The following FGF14 variants were observed in gnomAD, a reference collection of about 807,000 sequenced individuals.
FGF14 encodes the protein fibroblast growth factor homologous factor 4.
FGF14 carries 5 observed loss-of-function variants against 25.5 expected under a neutral mutation model. The observed-to-expected ratio is 0.20, with a 90% CI of 0.10 to 0.41. FGF14 has a LOEUF of 0.41. FGF14 is among the 10% of genes least tolerant of loss of function. The probability of loss-of-function intolerance (pLI) is 1.00; values close to 1 mark genes in which losing one functional copy is unlikely to be tolerated. For synonymous variants in FGF14, 138 were observed against 118.3 expected (o/e 1.17, Z -1.08); for missense variants, 222 against 320.1 (o/e 0.69, Z 2.34).
At chr13:101,815,889 C>G (rs1170801890) in intron 3 of FGF14, among the ~76,000 whole-genome samples, 2 of 152,052 alleles carry the variant, frequency 1.3e-5, no homozygotes, top group Non-Finnish European at 2.9e-5. Context: ...AGGAATAAGC[C>G]CTCTTAGCTA....
chr13:101,825,931 AAAGAT>A (rs2042373880), intron 3 of FGF14, among the ~76,000 whole-genome samples: 1 of 152,168 alleles, frequency 6.6e-6, no homozygotes, highest in Admixed American at 6.5e-5. Flanking sequence ...TATATCCCTA[AAAGAT>A]AATACAAGGA....
chr13:101,917,906 T>C (rs558305441), upstream of FGF14, among the ~76,000 whole-genome samples: 4 of 151,986 alleles, frequency 2.6e-5, no homozygotes, highest in African/African-American at 9.7e-5. Flanking sequence ...CCCAGGAGAA[T>C]GTTGAAGAAG....
intron 1 of FGF14, among the ~76,000 whole-genome samples, chr13:101,966,152 A>G (rs2037180031): frequency 6.6e-6 from 1 of 152,226 alleles, no homozygotes; most frequent in African/African-American, 2.4e-5. Flanking sequence ...AGCTTATTTG[A>G]AAACAGGTTC....
chr13:102,106,975 G>A (rs7997888), intron 1 of FGF14, among the ~76,000 whole-genome samples: 23,566 of 152,132 alleles, frequency 0.15, 3,923 homozygotes, highest in African/African-American at 0.4. Context: ...GATAGCTCAC[G>A]GAAGCATTTC....
intron 1 of FGF14, among the ~76,000 whole-genome samples, chr13:102,142,135 C>T (rs1275496222): frequency 6.6e-6 from 1 of 152,020 alleles, no homozygotes; most frequent in Non-Finnish European, 1.5e-5. Flanking sequence ...GGCAAAATGC[C>T]ACAAATTAGC....
At chr13:101,762,092 A>C (rs1247402675) in intron 3 of FGF14, among the ~76,000 whole-genome samples, 1 of 152,202 alleles carries the variant, frequency 6.6e-6, no homozygotes, top group Non-Finnish European at 1.5e-5. Flanking sequence ...CCATTGATAG[A>C]GACTTAATAA....
intron 1 of FGF14, among the ~76,000 whole-genome samples, chr13:102,384,303 G>A (rs2058253010): frequency 6.6e-6 from 1 of 152,026 alleles, no homozygotes; most frequent in African/African-American, 2.4e-5. Context: ...AACTACTAGA[G>A]GTATATTTGG....
chr13:102,007,712 A>AAT (rs1385126433), intron 1 of FGF14, among the ~76,000 whole-genome samples: 1 of 152,206 alleles, frequency 6.6e-6, no homozygotes, highest in Admixed American at 6.5e-5. Flanking sequence ...GAGCTGTGAA[A>AAT]ATGCCTCTGA....
At chr13:101,931,058 C>A (rs921052534) in intron 1 of FGF14, among the ~76,000 whole-genome samples, 1 of 152,136 alleles carries the variant, frequency 6.6e-6, no homozygotes, top group East Asian at 1.9e-4. Flanking sequence ...TATTGCCCAT[C>A]GGAACAAAAT....
rs1355452202 is a variant in FGF14, at chr13:102,149,773, G to A, written c.208+251698C>T. On this transcript the variant is annotated intron_variant, in intron 1 of 4. Coordinates refer to the FGF14 transcript ENST00000376131. ...CAAGAGCAGCCCAGGGCAGAGCTCC[G>A]GAAGCCTTGTAAGGGGAGTTAACGA... Among the ~76,000 whole-genome samples, 7 of 152,170 alleles carry A rather than the reference G, an allele frequency of 4.6e-5. No homozygotes were observed. The East Asian group carries it at 5.8e-4, about 13-fold the overall frequency.
chr13:102,057,655 T>C (rs1260100499), intron 1 of FGF14, among the ~76,000 whole-genome samples: 1 of 152,188 alleles, frequency 6.6e-6, no homozygotes, highest in Admixed American at 6.5e-5. Context: ...ATGGCATGAA[T>C]AGTGCATTGT....
chr13:101,985,520 A>T (rs1052549131), intron 1 of FGF14, among the ~76,000 whole-genome samples: 1 of 152,130 alleles, frequency 6.6e-6, no homozygotes, highest in Non-Finnish European at 1.5e-5. Flanking sequence ...CTGAATCATC[A>T]GCATTAATCA....
chr13:102,268,398 C>T (rs184860732), intron 1 of FGF14, among the ~76,000 whole-genome samples: 77 of 151,998 alleles, frequency 5.1e-4, no homozygotes, highest in Admixed American at 4.9e-3. Flanking sequence ...TTGGTGAAAA[C>T]GCTGCAGAAT....
intron 1 of FGF14, 33 bp from the exon 2 acceptor site, chr13:101,875,329 C>A: frequency 7.2e-7 from 1 of 1,380,722 alleles, no homozygotes; most frequent in Non-Finnish European, 1.0e-6. Flanking sequence ...ATAAGCCTCA[C>A]AATGTGTCAC....
chr13:102,099,998 A>C (rs2044584403), intron 1 of FGF14, among the ~76,000 whole-genome samples: 2 of 152,288 alleles, frequency 1.3e-5, no homozygotes, highest in South Asian at 2.1e-4. Flanking sequence ...ATTGAGGCTT[A>C]GACAACTATA....
At chr13:102,361,074 A>G (rs1401886533) in intron 1 of FGF14, among the ~76,000 whole-genome samples, 1 of 152,222 alleles carries the variant, frequency 6.6e-6, no homozygotes, top group African/African-American at 2.4e-5. Context: ...AAAAATTACT[A>G]AGCAAATGGT....
At chr13:102,046,972 G>A (rs2042012178) in intron 1 of FGF14, among the ~76,000 whole-genome samples, 1 of 152,118 alleles carries the variant, frequency 6.6e-6, no homozygotes, top group Non-Finnish European at 1.5e-5. Context: ...TTGGGGAGGT[G>A]TCAGGTTAGT....
At chr13:101,793,115 C>T (rs2040332423) in intron 3 of FGF14, among the ~76,000 whole-genome samples, 1 of 152,026 alleles carries the variant, frequency 6.6e-6, no homozygotes, top group Non-Finnish European at 1.5e-5. Flanking sequence ...AAAAAATACT[C>T]AAAATTATTT....
intron 4 of FGF14, among the ~76,000 whole-genome samples, chr13:101,724,939 G>GTATC (rs902383805): frequency 1.3e-5 from 2 of 151,596 alleles, no homozygotes; most frequent in African/African-American, 4.8e-5. Context: ...GAAATACCAA[G>GTATC]TATCATTCTA....
Sources: allele counts gnomAD v4.1 joint callset (sites outside exome capture counted in the v4.1 genomes callset), GRCh38; gene constraint gnomAD v4.1.1; transcripts MANE v1.5; gene names NCBI Gene and HGNC (gene_info 2026-07-23, HGNC 2026-07-21).